Variants in ERRFI1 observed in about 807,000 individuals in gnomAD.
ERRFI1 encodes the protein ERBB receptor feedback inhibitor 1.
Under a neutral mutation model 14.6 loss-of-function variants are expected in ERRFI1, and 12 were observed. That is an observed-to-expected ratio of 0.82 (90% CI 0.53 to 1.33). The LOEUF is 1.33. Among genes scored for constraint, ERRFI1 ranks in the 40% most tolerant of loss-of-function variants. ERRFI1 has a pLI of 0.00. For synonymous variants in ERRFI1, 202 were observed against 209.9 expected (o/e 0.96, Z 0.32); for missense variants, 482 against 572.1 (o/e 0.84, Z 1.61).
intron 1 of ERRFI1, among the ~76,000 whole-genome samples, chr1:8,016,750 C>T (rs1641179405): frequency 2.0e-5 from 3 of 152,154 alleles, no homozygotes; most frequent in Admixed American, 6.6e-5. Flanking sequence ...GGGGCACGTA[C>T]ATATACACTC....
In ERRFI1 at chr1:8,022,977, G is replaced by C. The variant is rs564449841; in HGVS notation, c.-74+3181C>G. 1.1e-4 allele frequency among the ~76,000 whole-genome samples: 17 copies of C among 152,214 alleles called. No homozygotes were observed. In the East Asian group the frequency reaches 3.3e-3, roughly 29 times the overall value. Reference sequence around the variant, plus strand: ...GATACCTTCCAAGGAAACAAGCAGGGTACAGCAGCAATAGGATAAGGAGGC... The same window carrying C: ...GATACCTTCCAAGGAAACAAGCAGGCTACAGCAGCAATAGGATAAGGAGGC... On this transcript the variant is annotated intron_variant, in intron 1 of 3. Coordinates refer to ENST00000377482, the MANE Select transcript of ERRFI1 (RefSeq NM_018948.4).
At chr1:8,017,302 C>T (rs1641190140) in intron 1 of ERRFI1, among the ~76,000 whole-genome samples, 1 of 152,100 alleles carries the variant, frequency 6.6e-6, no homozygotes, top group Admixed American at 6.5e-5. Context: ...CTGCATTTTA[C>T]CCTTCCACAG....
chr1:8,023,423 G>C (rs568290449), intron 1 of ERRFI1, among the ~76,000 whole-genome samples: 1 of 152,080 alleles, frequency 6.6e-6, no homozygotes, highest in African/African-American at 2.4e-5. Flanking sequence ...GACTACAGAC[G>C]TGTGCCACCA....
At position 8,015,695 on chromosome 1, in the gene ERRFI1, G is replaced by T; in HGVS notation, c.-73-3C>A. The T allele has an allele frequency of 6.3e-7, 1 of 1,581,282 alleles. No individual in the cohort carries two copies. The highest frequency in any genetic ancestry group is 1.1e-5 in the South Asian group (1 of 89,630). On this transcript the variant is annotated splice_polypyrimidine_tract_variant and splice_region_variant and intron_variant, in intron 1 of 3. Coordinates refer to ENST00000377482, the MANE Select transcript of ERRFI1 (RefSeq NM_018948.4). ...AATCAACCAGTAGCTTTCATTCCCT[G>T]GGAGGTAGAAGAGATGAGAGAATAA...
chr1:8,024,116 G>T (rs1557468573), intron 1 of ERRFI1, among the ~76,000 whole-genome samples: 1 of 152,094 alleles, frequency 6.6e-6, no homozygotes, highest in Non-Finnish European at 1.5e-5. Flanking sequence ...AGACAATCAG[G>T]TCAGTTTCAA....
At position 8,025,462 on chromosome 1, in the gene ERRFI1, G is replaced by C. The variant is rs753278215; in HGVS notation, c.-74+696C>G. Among the ~76,000 whole-genome samples, 312 of 152,280 alleles carry C rather than the reference G, an allele frequency of 2.0e-3. 1 individual carries two copies. The highest frequency in any genetic ancestry group is 1.1e-3 in the Non-Finnish European group (77 of 68,012). ...TTTCTAGGAGAGAAGGAAGAGTTCA[G>C]AACAGCTTAGACGAATTTTTAAATA... is the stretch of plus-strand genomic sequence containing the variant. On this transcript the variant is annotated intron_variant, in intron 1 of 3. Transcript: ENST00000377482.
chr1:8,018,436 A>G (rs1641227701), intron 1 of ERRFI1, among the ~76,000 whole-genome samples: 1 of 151,456 alleles, frequency 6.6e-6, no homozygotes, highest in South Asian at 2.1e-4. Flanking sequence ...AAAAGAAACA[A>G]ACTCTTCCCA....
At chr1:8,016,814 A>G (rs1641180666) in intron 1 of ERRFI1, among the ~76,000 whole-genome samples, 1 of 152,184 alleles carries the variant, frequency 6.6e-6, no homozygotes, top group Non-Finnish European at 1.5e-5. Flanking sequence ...AGTGCAAATA[A>G]TATCTGCACA....
At chr1:8,015,950 C>T (rs1214220211) in intron 1 of ERRFI1, among the ~76,000 whole-genome samples, 1 of 152,124 alleles carries the variant, frequency 6.6e-6, no homozygotes, top group African/African-American at 2.4e-5. Context: ...CCAGCAAAAG[C>T]AGACCTCCTA....
chr1:8,025,080 T>C (rs1345381240), intron 1 of ERRFI1, among the ~76,000 whole-genome samples: 9 of 151,552 alleles, frequency 5.9e-5, no homozygotes, highest in African/African-American at 2.2e-4. Context: ...CCCCTGACAG[T>C]TGCCTAGAAA....
chr1:8,014,040 T>C lies in ERRFI1; in HGVS notation c.559A>G (p.Thr187Ala), dbSNP rs141040294. 22 of 1,614,032 alleles carry C rather than the reference T, an allele frequency of 1.4e-5. No homozygotes were observed. The highest frequency in any genetic ancestry group is 6.7e-5 in the African/African-American group (5 of 74,894). The part of the protein sequence containing the change: ...SDTDFLLEDS[T>A]LSDFKYDVPG... ...ACATCATATTTGAAATCAGAAAGTG[T>C]AGAGTCTTCTAAAAGGAAGTCTGTA... The change falls in exon 4 of 4, where the codon ACA (threonine) becomes GCA (alanine). Residue 187 changes from threonine (T) to alanine (A), a missense_variant. Physicochemically the swap from Thr to Ala is moderately conservative, Grantham distance 58 (BLOSUM62 0). Coordinates refer to ENST00000377482, the MANE Select transcript of ERRFI1 (RefSeq NM_018948.4).
At chr1:8,025,112 T>C (rs568989240) in intron 1 of ERRFI1, among the ~76,000 whole-genome samples, 2 of 152,302 alleles carry the variant, frequency 1.3e-5, no homozygotes, top group South Asian at 2.1e-4. Context: ...CTACCTGTGT[T>C]GCAGGTGTAC....
chr1:8,026,184 G>T lies in ERRFI1; in HGVS notation c.-100C>A, dbSNP rs1371254579. The T allele has an allele frequency of 6.6e-6, 1 of 151,882 alleles. No individual in the cohort carries two copies. Among genetic ancestry groups the T allele is most frequent in the African/African-American group, 2.4e-5 (1 of 41,392 alleles). The allele number at this position is 151,882 out of a possible 1,614,324, so 9.4% of individuals were successfully genotyped here. ...CCGGAGGAGCGGCGGCTGCCCCGCG[G>T]CGCCCTCCCGCGCATGTCCGTCCCG... is the stretch of plus-strand genomic sequence containing the variant. On this transcript the variant is annotated 5_prime_UTR_variant, in exon 1 of 4. Transcript: ENST00000377482.
At chr1:8,024,098 T>G (rs1295169997) in intron 1 of ERRFI1, among the ~76,000 whole-genome samples, 1 of 152,196 alleles carries the variant, frequency 6.6e-6, no homozygotes, top group African/African-American at 2.4e-5. Flanking sequence ...AGCAATCTGA[T>G]GGTATGCAGA....
intron 1 of ERRFI1, among the ~76,000 whole-genome samples, chr1:8,024,789 G>A (rs1259409913): frequency 6.6e-6 from 1 of 152,166 alleles, no homozygotes; most frequent in Non-Finnish European, 1.5e-5. Context: ...CAGCATGTTA[G>A]CAAGAAACCA....
At chr1:8,025,413 A>G (rs1641330356) in intron 1 of ERRFI1, among the ~76,000 whole-genome samples, 1 of 152,248 alleles carries the variant, frequency 6.6e-6, no homozygotes, top group African/African-American at 2.4e-5. Flanking sequence ...GCCGTACTTA[A>G]GACACTCAGA....
intron 1 of ERRFI1, among the ~76,000 whole-genome samples, chr1:8,021,261 T>C (rs1168776139): frequency 6.6e-6 from 1 of 152,226 alleles, no homozygotes; most frequent in Non-Finnish European, 1.5e-5. Flanking sequence ...GAATGCTTTC[T>C]AGCTAAGTAT....
At chr1:8,020,284 C>G (rs1220022735) in intron 1 of ERRFI1, among the ~76,000 whole-genome samples, 1 of 152,070 alleles carries the variant, frequency 6.6e-6, no homozygotes, top group Non-Finnish European at 1.5e-5. Flanking sequence ...GTTCTAGAAC[C>G]TGATTTCTGT....
chr1:8,013,990 C>T lies in ERRFI1; in HGVS notation c.609G>A (p.Gly203=), dbSNP rs146882470. Residue 203 remains glycine (G), a synonymous_variant, in exon 4 of 4, where the codon GGG becomes GGA. Coordinates refer to ENST00000377482, the MANE Select transcript of ERRFI1 (RefSeq NM_018948.4). This position sits in a 1 kb window ranked among gnomAD's most constrained non-coding sequence, Gnocchi z 4.3. ...AATATGCATAGTTGATTTGTCCACA[C>T]CCACGGAAGCTTCGCCTGCCAGGAA... ...YDVPGRRSFR[G]CGQINYAYFD... 117 of 1,614,140 alleles carry T rather than the reference C, an allele frequency of 7.2e-5. No homozygotes were observed. The Middle Eastern group carries it at 1.3e-3, about 18-fold the overall frequency.
Sources: allele counts gnomAD v4.1 joint callset (sites outside exome capture counted in the v4.1 genomes callset), GRCh38; gene constraint gnomAD v4.1.1; non-coding constraint Gnocchi (gnomAD v3.1); transcripts MANE v1.5; gene names NCBI Gene and HGNC (gene_info 2026-07-23, HGNC 2026-07-21).